COQ4: variants seen among roughly 807,000 people sequenced by gnomAD.
The protein encoded by COQ4 is coenzyme Q4.
In COQ4, 36 loss-of-function variants were observed where a neutral mutation model predicts 30.2. That is an observed-to-expected ratio of 1.19 (90% CI 0.91 to 1.57). The LOEUF (loss-of-function observed/expected upper bound fraction) is 1.57, where lower values mean the gene tolerates loss of function less well. Ranked by LOEUF, COQ4 falls within the 40% of genes most tolerant of loss-of-function variation. The pLI is 0.00. For synonymous variants in COQ4, 197 were observed against 161.0 expected (o/e 1.22, Z -1.69); for missense variants, 369 against 371.9 (o/e 0.99, Z 0.07).
intron 4 of COQ4, among the ~76,000 whole-genome samples, chr9:128,328,409 G>A (rs575148227): frequency 6.6e-4 from 100 of 152,348 alleles, no homozygotes; most frequent in African/African-American, 2.3e-3. Context: ...GAGGTGAGGG[G>A]TCTCCAAAGG....
At chr9:128,327,279 C>T (rs1423565551) in intron 4 of COQ4, among the ~76,000 whole-genome samples, 1 of 151,768 alleles carries the variant, frequency 6.6e-6, no homozygotes, top group Non-Finnish European at 1.5e-5. Context: ...CCTGTCTCTA[C>T]TAAAAATACA....
chr9:128,324,230 C>T (rs1832277726), intron 2 of COQ4, among the ~76,000 whole-genome samples: 1 of 152,070 alleles, frequency 6.6e-6, no homozygotes, highest in Non-Finnish European at 1.5e-5. Flanking sequence ...CCTCCCACCT[C>T]GGCCTCCCAA....
rs747178759 is a variant in COQ4, at chr9:128,323,077, C to G, written c.132C>G (p.Thr44=). Residue 44 remains threonine (T), a synonymous_variant, in exon 2 of 7, where the codon ACC becomes ACG. Coordinates refer to ENST00000300452, the MANE Select transcript of COQ4 (RefSeq NM_016035.5). ...CGCTATACTCGCACCACCTCCCCAC[C>G]TCCCCGCTGCAGAAAGGGCTGTTGG... The part of the protein sequence containing the change: ...AGPLYSHHLP[T]SPLQKGLLAA... 1.2e-6 allele frequency: 2 copies of G among 1,612,196 alleles called. No individual in the cohort carries two copies. Among genetic ancestry groups the G allele is most frequent in the Admixed American group, 1.7e-5 (1 of 60,022 alleles).
At chr9:128,325,719 A>G (rs1222399340) in intron 3 of COQ4, 60 bp from the exon 4 acceptor site, 5 of 1,315,262 alleles carry the variant, frequency 3.8e-6, no homozygotes, top group Non-Finnish European at 5.5e-6. Context: ...AGCTCGCTGT[A>G]GTTGGATCGT....
chr9:128,323,202 G>A, intron 2 of COQ4, 55 bp downstream of exon 2: 4 of 1,504,128 alleles, frequency 2.7e-6, no homozygotes, highest in Non-Finnish European at 3.5e-6. Flanking sequence ...GTTTCCTGTG[G>A]GTAACTGGAA....
intron 4 of COQ4, 190 bp from the exon 5 acceptor site, chr9:128,331,963 A>G: frequency 1.8e-6 from 1 of 568,656 alleles, no homozygotes; most frequent in South Asian, 2.2e-5. Flanking sequence ...TCCTGATCTC[A>G]GGTGATCCGC....
At chr9:128,325,443 G>C (rs554841960) in intron 3 of COQ4, among the ~76,000 whole-genome samples, 8 of 152,326 alleles carry the variant, frequency 5.3e-5, no homozygotes, top group African/African-American at 1.9e-4. Flanking sequence ...TGTGCAGTGT[G>C]ATAGCCTTGG....
chr9:128,331,691 C>G (rs889646812), intron 4 of COQ4: 1 of 153,528 alleles, frequency 6.5e-6, no homozygotes, highest in Non-Finnish European at 1.4e-5. Flanking sequence ...ACTATAGGCA[C>G]ACACCACCAC....
intron 6 of COQ4, 81 bp downstream of exon 6, chr9:128,333,024 A>C: frequency 9.7e-7 from 1 of 1,034,866 alleles, no homozygotes; most frequent in South Asian, 1.3e-5. Flanking sequence ...TCTTAGAAGT[A>C]GGAAGAGCAC....
rs745581380 is a variant in COQ4 at position 128,333,681 on chromosome 9, A to G, written c.*36A>G. ...CAGCGGGGCCTGGCCTACCTCCCCC[A>G]TCCCCTGCTTCCCTTGGAGGCAGAG... On this transcript the variant is annotated 3_prime_UTR_variant, in exon 7 of 7. Transcript: ENST00000300452. The G allele has an allele frequency of 1.3e-6, 2 of 1,486,582 alleles. No homozygotes were observed. Among genetic ancestry groups the G allele is most frequent in the Non-Finnish European group, 1.8e-6 (2 of 1,122,642 alleles). 92.1% of individuals were successfully genotyped at this position (1,486,582 alleles called of 1,614,324 possible). A position where few individuals can be genotyped will look rare whatever the true frequency, so the allele number is the denominator to read the frequency against.
At position 128,332,272 on chromosome 9, in the gene COQ4, C is replaced by T. The variant is rs747023055; in HGVS notation, c.522C>T (p.Thr174=). The change falls in exon 5 of 7, where the codon ACC becomes ACT. Residue 174 remains threonine (T), a synonymous_variant. Transcript: ENST00000300452. ...DMLHTLLGMP[T]NILGEIVVKW... ...TTCACACCCTGCTGGGGATGCCCAC[C>T]AACATCCTGGGTGAGTGCCCCCAAC... 4.8e-5 allele frequency: 77 copies of T among 1,612,644 alleles called. No individual in the cohort carries two copies. Among genetic ancestry groups the T allele is most frequent in the Non-Finnish European group, 6.5e-5 (77 of 1,179,848 alleles).
rs1002142728 is a variant in COQ4, at chr9:128,333,550, CTGTACTA to C, written c.706_712del (p.Tyr236SerfsTer8). On this transcript the variant is annotated frameshift_variant, in exon 7 of 7. Coordinates refer to ENST00000300452, the MANE Select transcript of COQ4 (RefSeq NM_016035.5). LOFTEE classifies it high-confidence loss of function. ...GCGCAGAGCCCCATGTGTCCTCAAC[CTGTACTA>C]TGAGCGGCGCTGGGAGCAGTCCCTG... is the stretch of plus-strand genomic sequence containing the variant. 1 of 1,610,572 alleles carries C rather than the reference CTGTACTA, an allele frequency of 6.2e-7. No individual in the cohort carries two copies. Among genetic ancestry groups the C allele is most frequent in the Non-Finnish European group, 8.5e-7 (1 of 1,178,630 alleles).
chr9:128,323,343 T>C, intron 2 of COQ4, 196 bp downstream of exon 2: 1 of 603,884 alleles, frequency 1.7e-6, no homozygotes, highest in Non-Finnish European at 2.8e-6. Context: ...GAGGGAGAAA[T>C]GGGCGTGAAA....
intron 2 of COQ4, among the ~76,000 whole-genome samples, chr9:128,324,551 C>A (rs1832284843): frequency 6.6e-6 from 1 of 152,184 alleles, no homozygotes; most frequent in Non-Finnish European, 1.5e-5. Context: ...TGGTGGCTCA[C>A]ACCTGTAATC....
chr9:128,323,065 C>T lies in COQ4; in HGVS notation c.120C>T (p.His40=), dbSNP rs778908832. 4.3e-6 allele frequency: 7 copies of T among 1,611,914 alleles called. No individual in the cohort carries two copies. In the African/African-American group the frequency reaches 5.3e-5, roughly 12 times the overall value. The change falls in exon 2 of 7, where the codon CAC becomes CAT. Residue 40 remains histidine (H), a synonymous_variant. Coordinates refer to ENST00000300452, the MANE Select transcript of COQ4 (RefSeq NM_016035.5). ...ACGGCGCCGGCCCGCTATACTCGCA[C>T]CACCTCCCCACCTCCCCGCTGCAGA... The part of the protein sequence containing the change: ...RSDGAGPLYS[H]HLPTSPLQKG...
At position 128,333,677 on chromosome 9, in the gene COQ4, C is replaced by T. The variant is rs1275799839; in HGVS notation, c.*32C>T. 1 of 1,489,462 alleles carries T rather than the reference C, an allele frequency of 6.7e-7. No individual in the cohort carries two copies. The highest frequency in any genetic ancestry group is 8.9e-7 in the Non-Finnish European group (1 of 1,124,466). 92.3% of individuals were successfully genotyped at this position (1,489,462 alleles called of 1,614,324 possible). ...GAGCCAGCGGGGCCTGGCCTACCTC[C>T]CCCATCCCCTGCTTCCCTTGGAGGC... On this transcript the variant is annotated 3_prime_UTR_variant, in exon 7 of 7. Transcript: ENST00000300452.
rs770626680 is a variant in COQ4, at chr9:128,325,226, G to A, written c.286G>A (p.Ala96Thr). The A allele has an allele frequency of 1.1e-5, 17 of 1,613,486 alleles. No homozygotes were observed. Among genetic ancestry groups the A allele is most frequent in the East Asian group, 2.2e-5 (1 of 44,872 alleles). ...CCAGATGAGGAGGGATCCAGAGGGT[G>A]CCCAGATCCTGCAGTAGGTCCCAGC... ...RDQMRRDPEG[A>T]QILQERPRIS... The change falls in exon 3 of 7, where the codon GCC becomes ACC. Residue 96 changes from alanine to threonine, a missense_variant. By Grantham distance (58) the Ala-to-Thr change is moderately conservative. Transcript: ENST00000300452.
chr9:128,325,731 C>T, intron 3 of COQ4, 48 bp from the exon 4 acceptor site: 1 of 1,471,190 alleles, frequency 6.8e-7, no homozygotes, highest in Non-Finnish European at 9.5e-7. Context: ...TTGGATCGTT[C>T]ACCTACCTTT....
At chr9:128,332,686 G>A (rs2131235574) in intron 5 of COQ4, 164 bp from the exon 6 acceptor site, 1 of 660,750 alleles carries the variant, frequency 1.5e-6, no homozygotes, top group East Asian at 2.7e-5. Context: ...GCTCTCTCCT[G>A]TACTCCAAGC....
Sources: allele counts gnomAD v4.1 joint callset (sites outside exome capture counted in the v4.1 genomes callset), GRCh38; gene constraint gnomAD v4.1.1; transcripts MANE v1.5; gene names NCBI Gene and HGNC (gene_info 2026-07-23, HGNC 2026-07-21).